Variants in CDO1 observed in about 807,000 individuals in gnomAD.
CDO1 encodes cysteine dioxygenase type 1.
Under a neutral mutation model 24.5 loss-of-function variants are expected in CDO1, and 19 were observed. The observed-to-expected ratio is 0.77, with a 90% confidence interval of 0.54 to 1.14. The LOEUF (loss-of-function observed/expected upper bound fraction) is 1.14, where lower values mean the gene tolerates loss of function less well. Ranked by LOEUF, CDO1 falls within the 50% of genes most tolerant of loss-of-function variation. The probability of loss-of-function intolerance (pLI) is 0.00; values close to 1 mark genes in which losing one functional copy is unlikely to be tolerated. For synonymous variants in CDO1, 91 were observed against 87.0 expected, an observed-to-expected ratio of 1.05 and a Z score of -0.26; for missense variants, 244 against 244.8, an observed-to-expected ratio of 1.00 and a Z score of 0.02.
chr5:115,807,149 TA>T (rs146733901), intron 3 of CDO1, among the ~76,000 whole-genome samples: 2,310 of 152,288 alleles, frequency 0.015, 25 homozygotes, highest in Non-Finnish European at 0.025. Flanking sequence ...TACTGAATGG[TA>T]AAAATCCCTG....
Position 115,816,610 on chromosome 5 carries a change from T to G in CDO1, c.-213A>C. 2 of 578,780 alleles carry G rather than the reference T, an allele frequency of 3.5e-6. No homozygotes were observed. The highest frequency in any genetic ancestry group is 3.1e-6 in the Non-Finnish European group (1 of 324,354). The allele number at this position is 578,780 out of a possible 1,614,324, so 35.9% of individuals were successfully genotyped here. ...CCCAGGCCCCTGGCAGCGCAGTGGATCCGGGATCGCTGGAGACGCGGTGCA... is the reference window on the plus strand; with the variant it reads ...CCCAGGCCCCTGGCAGCGCAGTGGAGCCGGGATCGCTGGAGACGCGGTGCA... On this transcript the variant is annotated 5_prime_UTR_variant, in exon 1 of 5. Coordinates refer to ENST00000250535, the MANE Select transcript of CDO1 (RefSeq NM_001801.3).
intron 2 of CDO1, 65 bp from the exon 3 acceptor site, chr5:115,811,380 G>T: frequency 1.6e-6 from 2 of 1,247,154 alleles, no homozygotes; most frequent in Non-Finnish European, 2.3e-6. Flanking sequence ...TGCAGTAACA[G>T]TCTTCCCAGA....
rs3797572 is a variant in CDO1, at chr5:115,805,879, A to T, written c.574-417T>A. ...GGAAATGCTTGTTTCTCAAGGAGGA[A>T]CATGTTAGTATAGTCTATTCTTATT... On this transcript the variant is annotated intron_variant, in intron 4 of 4. Coordinates refer to ENST00000250535, the MANE Select transcript of CDO1 (RefSeq NM_001801.3). Among the ~76,000 whole-genome samples, 114 of 152,334 alleles carry T rather than the reference A, an allele frequency of 7.5e-4. 2 individuals carry two copies. The East Asian group carries it at 0.013, about 17-fold the overall frequency.
At chr5:115,813,047 C>CAAAAA (rs1011228490) in intron 2 of CDO1, 134 bp downstream of exon 2, 47 of 152,720 alleles carry the variant, frequency 3.1e-4, no homozygotes, top group South Asian at 5.9e-4. Context: ...ACCACTGTCT[C>CAAAAA]AAAAAAAAAA....
At chr5:115,810,357 CA>C (rs34122113) in intron 3 of CDO1, among the ~76,000 whole-genome samples, 7 of 150,440 alleles carry the variant, frequency 4.7e-5, no homozygotes, top group African/African-American at 9.7e-5. Context: ...CTTGCTTTGC[CA>C]AAAAAAAATC....
At chr5:115,806,593 T>C in intron 3 of CDO1, 75 bp from the exon 4 acceptor site, 1 of 1,034,106 alleles carries the variant, frequency 9.7e-7, no homozygotes, top group African/African-American at 1.6e-5. Context: ...CTGTGAGTCA[T>C]CTGAGATCAT....
At position 115,816,126 on chromosome 5, in the gene CDO1, G is replaced by C. The variant is rs539693115; in HGVS notation, c.170+102C>G. ...GCGAGCGGCGGACGCAGCGCGGCCC[G>C]AGCTTCCCGAGCCAGTCACTTTGGG... On this transcript the variant is annotated intron_variant, in intron 1 of 4. Coordinates refer to ENST00000250535, the MANE Select transcript of CDO1 (RefSeq NM_001801.3). The C allele has an allele frequency of 5.5e-5, 54 of 980,092 alleles. No homozygotes were observed. In the African/African-American group the frequency reaches 7.5e-4, roughly 14 times the overall value. The allele number at this position is 980,092 out of a possible 1,614,324, so 60.7% of individuals were successfully genotyped here.
rs1422573083 is a variant in CDO1, at chr5:115,816,478, G to A, written c.-81C>T. ...GAGCGAGCCAAGGAGCTGGGGGCGA[G>A]GGAGCCTAACAGCCCGCTAGACCGC... On this transcript the variant is annotated 5_prime_UTR_variant, in exon 1 of 5. Transcript: ENST00000250535. The A allele has an allele frequency of 1.3e-6, 2 of 1,516,022 alleles. No individual in the cohort carries two copies. Among genetic ancestry groups the A allele is most frequent in the East Asian group, 2.3e-5 (1 of 44,300 alleles). The allele number at this position is 1,516,022 out of a possible 1,614,324, so 93.9% of individuals were successfully genotyped here.
chr5:115,810,339 G>GA (rs777743616), intron 3 of CDO1, among the ~76,000 whole-genome samples: 6 of 152,000 alleles, frequency 3.9e-5, no homozygotes, highest in Admixed American at 3.9e-4. Flanking sequence ...GATTTATGGA[G>GA]AAAAAAACTT....
chr5:115,812,315 G>A (rs771715839), intron 2 of CDO1, among the ~76,000 whole-genome samples: 4 of 152,112 alleles, frequency 2.6e-5, no homozygotes, highest in Non-Finnish European at 5.9e-5. Context: ...GACTGAGAAA[G>A]GTATGTTTCA....
intron 1 of CDO1, among the ~76,000 whole-genome samples, chr5:115,813,622 G>GTTTTTTT (rs11347287): frequency 6.9e-6 from 1 of 145,108 alleles, no homozygotes. Flanking sequence ...TGTTGCTATT[G>GTTTTTTT]TTTTTTTTTT....
chr5:115,815,077 T>C lies in CDO1; in HGVS notation c.170+1151A>G, dbSNP rs1042672646. Reference sequence around the variant, plus strand: ...ACTTTTTCTATTTCAAATCCTAAAATACAGTTGAAACCGCCCATGCCAACA... The same window carrying C: ...ACTTTTTCTATTTCAAATCCTAAAACACAGTTGAAACCGCCCATGCCAACA... On this transcript the variant is annotated intron_variant, in intron 1 of 4. Transcript: ENST00000250535. Among the ~76,000 whole-genome samples the C allele has an allele frequency of 5.9e-5, 9 of 152,146 alleles. No homozygotes were observed. In the East Asian group the frequency reaches 1.7e-3, roughly 29 times the overall value.
chr5:115,806,420 C>G lies in CDO1; in HGVS notation c.502G>C (p.Asp168His). The change falls in exon 4 of 5, where the codon GAT becomes CAT. Residue 168 changes from aspartate to histidine, a missense_variant. Transcript: ENST00000250535. ...TTGTTTTTATGTCCTGTTCTTTGAT[C>G]AAAGGCATGGCATGTATCAAAAGGT... ...SPPFDTCHAF[D>H]QRTGHKNKVT... The G allele has an allele frequency of 6.2e-7, 1 of 1,611,884 alleles. No homozygotes were observed.
At position 115,805,398 on chromosome 5, in the gene CDO1, A is replaced by C; in HGVS notation, c.*35T>G. 6.2e-7 allele frequency: 1 copy of C among 1,605,230 alleles called. No individual in the cohort carries two copies. On this transcript the variant is annotated 3_prime_UTR_variant, in exon 5 of 5. Coordinates refer to ENST00000250535, the MANE Select transcript of CDO1 (RefSeq NM_001801.3). Reference sequence around the variant, plus strand: ...TTTGTCCAAGGCAAACATACAGCGAACCTTAAAGTAAAACCTCAGAGGGTT... The same window carrying C: ...TTTGTCCAAGGCAAACATACAGCGACCCTTAAAGTAAAACCTCAGAGGGTT...
At chr5:115,808,306 G>C (rs1760040163) in intron 3 of CDO1, among the ~76,000 whole-genome samples, 1 of 152,052 alleles carries the variant, frequency 6.6e-6, no homozygotes, top group Non-Finnish European at 1.5e-5. Context: ...AAGAACACTA[G>C]AAACTAAAAG....
intron 3 of CDO1, among the ~76,000 whole-genome samples, chr5:115,810,459 G>A (rs1218433649): frequency 6.6e-6 from 1 of 152,146 alleles, no homozygotes; most frequent in Non-Finnish European, 1.5e-5. Context: ...TCAAATTCTG[G>A]TTGCCACTTA....
intron 3 of CDO1, among the ~76,000 whole-genome samples, chr5:115,807,793 C>T (rs893069209): frequency 2.0e-5 from 3 of 151,450 alleles, no homozygotes; most frequent in Non-Finnish European, 4.4e-5. Context: ...AGTCGAAGGA[C>T]ACGAATTCCC....
chr5:115,806,268 G>T, intron 4 of CDO1, 81 bp downstream of exon 4: 1 of 869,328 alleles, frequency 1.2e-6, no homozygotes, highest in Non-Finnish European at 1.7e-6. Context: ...CATGAATTAA[G>T]ACTCATCTCA....
chr5:115,814,798 C>G (rs1309069738), intron 1 of CDO1, among the ~76,000 whole-genome samples: 1 of 152,186 alleles, frequency 6.6e-6, no homozygotes, highest in African/African-American at 2.4e-5. Context: ...GAGCCGCTAT[C>G]GATAGAAGAC....
Sources: gnomAD v4.1 joint callset for allele counts (sites outside exome capture counted in the v4.1 genomes callset) on GRCh38, gnomAD v4.1.1 for gene constraint, MANE v1.5 for transcripts, NCBI Gene and HGNC (gene_info 2026-07-23, HGNC 2026-07-21) for gene names.